Variants in CEP85 observed in about 807,000 individuals in gnomAD.
CEP85 encodes centrosomal protein of 85 kDa.
Under a neutral mutation model 93.7 loss-of-function variants are expected in CEP85, and 58 were observed. The ratio of observed to expected loss-of-function variants is 0.62; its 90% CI spans 0.50 to 0.77. The LOEUF (loss-of-function observed/expected upper bound fraction) is 0.77, where lower values mean the gene tolerates loss of function less well. CEP85 is among the 30% of genes least tolerant of loss of function. CEP85 has a pLI of 0.00. For missense variants in CEP85, 868 were observed against 922.0 expected, an observed-to-expected ratio of 0.94 and a Z score of 0.76; for synonymous variants, 314 against 338.6, an observed-to-expected ratio of 0.93 and a Z score of 0.80.
At chr1:26,234,586 CA>C (rs763006846) in intron 1 of CEP85, among the ~76,000 whole-genome samples, 156 of 152,382 alleles carry the variant, frequency 1.0e-3, no homozygotes, top group Non-Finnish European at 1.8e-3. Flanking sequence ...GCCAGGGACA[CA>C]GCGAGCGGCG....
At chr1:26,245,270 C>T (rs577335440) in intron 3 of CEP85, among the ~76,000 whole-genome samples, 11 of 151,444 alleles carry the variant, frequency 7.3e-5, no homozygotes, top group Middle Eastern at 3.4e-3. Flanking sequence ...CTGAAACGAT[C>T]CTATTGCCTC....
intron 3 of CEP85, among the ~76,000 whole-genome samples, chr1:26,247,967 G>A (rs2089537211): frequency 1.3e-5 from 2 of 152,106 alleles, no homozygotes; most frequent in South Asian, 4.1e-4. Context: ...AGCCCCTAGA[G>A]TTAATTTTGA....
chr1:26,274,130 G>A (rs2090019502), intron 11 of CEP85, among the ~76,000 whole-genome samples: 2 of 151,908 alleles, frequency 1.3e-5, no homozygotes, highest in Admixed American at 1.3e-4. Context: ...ATGAGAGGCA[G>A]AAGTTTAAAA....
At position 26,255,209 on chromosome 1, in the gene CEP85, A is replaced by G. The variant is rs372964240; in HGVS notation, c.247A>G (p.Ile83Val). ...AAGTGGCAGTCCTCCTTTCCAGCCC[A>G]TCAAAAGCCACGTAACCATTCCAAC... ...SSSGSPPFQP[I>V]KSHVTIPTAH... Residue 83 changes from isoleucine (I) to valine (V), a missense_variant, in exon 4 of 14, where the codon ATC becomes GTC. Coordinates refer to ENST00000451429, the MANE Select transcript of CEP85 (RefSeq NM_001319944.2). 47 of 1,614,116 alleles carry G rather than the reference A, an allele frequency of 2.9e-5. No individual in the cohort carries two copies. The East Asian group carries it at 6.2e-4, about 21-fold the overall frequency.
rs769736758 is a variant in CEP85 at position 26,276,865 on chromosome 1, C to T, written c.2128+105C>T. 1.5e-5 allele frequency: 14 copies of T among 947,610 alleles called. No individual in the cohort carries two copies. In the Admixed American group the frequency reaches 1.7e-4, roughly 11 times the overall value. 58.7% of individuals were successfully genotyped at this position (947,610 alleles called of 1,614,324 possible). A position where few individuals can be genotyped will look rare whatever the true frequency, so the allele number is the denominator to read the frequency against. ...CTTGTGGTAATATGTAGACAGAGTA[C>T]ATAGTCCTGGCCACTGCCCTCTGGA... On this transcript the variant is annotated intron_variant, in intron 13 of 13. Coordinates refer to ENST00000451429, the MANE Select transcript of CEP85 (RefSeq NM_001319944.2).
At chr1:26,246,878 G>C (rs2089517620) in intron 3 of CEP85, among the ~76,000 whole-genome samples, 1 of 151,888 alleles carries the variant, frequency 6.6e-6, no homozygotes, top group South Asian at 2.1e-4. Flanking sequence ...TTAAAAAAAA[G>C]CCAGACACAA....
rs577045643 is a variant in CEP85, at chr1:26,277,792, T to A, written c.*499T>A. On this transcript the variant is annotated 3_prime_UTR_variant, in exon 14 of 14. Coordinates refer to ENST00000451429, the MANE Select transcript of CEP85 (RefSeq NM_001319944.2). The stretch of plus-strand genomic sequence containing the variant: ...TGAGCTGGCTTTCTGGGTTTTCTCA[T>A]GCCTGGTCTTACTGCTTCTTCCTCA... 6.4e-6 allele frequency: 1 copy of A among 155,268 alleles called. No homozygotes were observed. Among genetic ancestry groups the A allele is most frequent in the African/African-American group, 2.4e-5 (1 of 41,586 alleles). The allele number at this position is 155,268 out of a possible 1,614,324, so 9.6% of individuals were successfully genotyped here.
At chr1:26,251,760 T>C (rs1475755100) in intron 3 of CEP85, among the ~76,000 whole-genome samples, 2 of 152,078 alleles carry the variant, frequency 1.3e-5, no homozygotes, top group African/African-American at 4.8e-5. Context: ...AAAACTGAAT[T>C]TGGTGAATCT....
At chr1:26,262,158 T>C (rs776824561) in intron 7 of CEP85, among the ~76,000 whole-genome samples, 4 of 151,990 alleles carry the variant, frequency 2.6e-5, no homozygotes, top group Admixed American at 2.6e-4. Flanking sequence ...ATACAAAAAA[T>C]TAGCTGGGGG....
At chr1:26,239,091 A>G (rs894117568) in intron 1 of CEP85, among the ~76,000 whole-genome samples, 10 of 152,182 alleles carry the variant, frequency 6.6e-5, no homozygotes, top group African/African-American at 2.4e-4. Context: ...TCAGGTCCCC[A>G]TGGCTAAGAA....
At chr1:26,266,644 T>G (rs968749949) in intron 7 of CEP85, among the ~76,000 whole-genome samples, 1 of 152,240 alleles carries the variant, frequency 6.6e-6, no homozygotes, top group African/African-American at 2.4e-5. Flanking sequence ...GATCTTTCTT[T>G]GTACTGTTAT....
At chr1:26,248,821 G>A (rs536694426) in intron 3 of CEP85, among the ~76,000 whole-genome samples, 130 of 142,056 alleles carry the variant, frequency 9.2e-4, no homozygotes, top group Middle Eastern at 4.1e-3. Flanking sequence ...CCGCCTTCCG[G>A]GTTAATGCCA....
At chr1:26,249,386 A>T (rs190949454) in intron 3 of CEP85, among the ~76,000 whole-genome samples, 1 of 152,208 alleles carries the variant, frequency 6.6e-6, no homozygotes, top group African/African-American at 2.4e-5. Context: ...CTGGCCTCTA[A>T]TCTTAACTCT....
chr1:26,243,763 G>A (rs546758810), intron 2 of CEP85, among the ~76,000 whole-genome samples: 102 of 152,194 alleles, frequency 6.7e-4, no homozygotes, highest in Non-Finnish European at 1.3e-3. Flanking sequence ...ACTTTGGGAG[G>A]CCAAGGCGGG....
chr1:26,245,464 G>A (rs568038638), intron 3 of CEP85, among the ~76,000 whole-genome samples: 4 of 152,090 alleles, frequency 2.6e-5, no homozygotes, highest in South Asian at 4.2e-4. Context: ...CAAATGTCCC[G>A]CAGGCTTTTC....
rs1256553432 is a variant in CEP85, at chr1:26,255,281, A to T, written c.319A>T (p.Asn107Tyr). 1 of 1,614,114 alleles carries T rather than the reference A, an allele frequency of 6.2e-7. No individual in the cohort carries two copies. The highest frequency in any genetic ancestry group is 1.7e-5 in the Admixed American group (1 of 59,996). The change falls in exon 4 of 14, where the codon AAT (asparagine) becomes TAT (tyrosine). Residue 107 changes from asparagine to tyrosine, a missense_variant. Physicochemically the swap from Asn to Tyr is moderately radical, Grantham distance 143 (BLOSUM62 -2). Transcript: ENST00000451429. ...STLGTSPAKP[N>Y]STPVGPSSSK... ...TTTAGGGACCTCTCCTGCCAAGCCA[A>T]ATTCTACACCTGTTGGACCCTCTTC...
At chr1:26,237,863 C>T (rs1043911012) in intron 1 of CEP85, among the ~76,000 whole-genome samples, 1 of 152,060 alleles carries the variant, frequency 6.6e-6, no homozygotes, top group African/African-American at 2.4e-5. Context: ...TTGATATTGA[C>T]AAGAAAGGAA....
At position 26,244,243 on chromosome 1, in the gene CEP85, C is replaced by T. The variant is rs140558906; in HGVS notation, c.133C>T (p.Arg45Cys). The T allele has an allele frequency of 4.3e-6, 7 of 1,613,628 alleles. No individual in the cohort carries two copies. The highest frequency in any genetic ancestry group is 3.4e-6 in the Non-Finnish European group (4 of 1,179,898). ...TPVISEPFRS[R>C]FSRCSSVADS... ...AGTTATCTCGGAGCCCTTTCGGAGC[C>T]GCTTCAGCCGCTGTTCAAGTGTAGC... The change falls in exon 3 of 14, where the codon CGC becomes TGC. Residue 45 changes from arginine to cysteine, a missense_variant. Coordinates refer to ENST00000451429, the MANE Select transcript of CEP85 (RefSeq NM_001319944.2).
chr1:26,239,882 C>T (rs760532477), intron 2 of CEP85, 44 bp downstream of exon 2: 3 of 1,427,274 alleles, frequency 2.1e-6, no homozygotes, highest in South Asian at 1.1e-5. Context: ...GACCTTTGTT[C>T]TGTTTTTTCA....
Sources: gnomAD v4.1 joint callset for allele counts (sites outside exome capture counted in the v4.1 genomes callset) on GRCh38, gnomAD v4.1.1 for gene constraint, MANE v1.5 for transcripts, NCBI Gene and HGNC (gene_info 2026-07-23, HGNC 2026-07-21) for gene names.